The following CMIP variants were observed in gnomAD, a reference collection of about 807,000 sequenced individuals.
CMIP encodes the protein c-Maf inducing protein.
In CMIP, 13 loss-of-function variants were observed where a neutral mutation model predicts 97.3. That is an observed-to-expected ratio of 0.13 (90% confidence interval 0.09 to 0.21). The LOEUF (loss-of-function observed/expected upper bound fraction) is 0.21. Ranked by LOEUF, CMIP falls within the 10% of genes least tolerant of loss-of-function variation. CMIP has a pLI of 1.00. For synonymous variants in CMIP, 538 were observed against 436.3 expected, an observed-to-expected ratio of 1.23 and a Z score of -2.91; for missense variants, 847 against 1,024.9, an observed-to-expected ratio of 0.83 and a Z score of 2.37.
intron 1 of CMIP, among the ~76,000 whole-genome samples, chr16:81,487,590 G>C (rs1200787317): frequency 6.6e-6 from 1 of 152,196 alleles, no homozygotes; most frequent in Non-Finnish European, 1.5e-5. Context: ...GCAAGGCTCT[G>C]GGCTTTGTGG....
At chr16:81,555,101 G>T (rs1003536103) in intron 1 of CMIP, among the ~76,000 whole-genome samples, 2 of 152,154 alleles carry the variant, frequency 1.3e-5, no homozygotes, top group Non-Finnish European at 2.9e-5. Flanking sequence ...CACACGCAAG[G>T]CCTCATCTCG....
chr16:81,507,935 G>C (rs754542811), intron 1 of CMIP, among the ~76,000 whole-genome samples: 11 of 152,130 alleles, frequency 7.2e-5, no homozygotes, highest in African/African-American at 2.4e-4. Context: ...GGACTGATCC[G>C]GTGATTTTTG....
intron 10 of CMIP, among the ~76,000 whole-genome samples, chr16:81,691,025 TTA>T (rs1906000126): frequency 6.6e-6 from 1 of 152,214 alleles, no homozygotes; most frequent in Non-Finnish European, 1.5e-5. Flanking sequence ...TGTTTGTTGT[TTA>T]TGATTCTGTC....
chr16:81,691,870 C>G lies in CMIP; in HGVS notation c.1454+30C>G, dbSNP rs1297419152. On this transcript the variant is annotated intron_variant, in intron 11 of 20. Transcript: ENST00000537098. ...GTCCCGTGTGCATCCCCGGAGCCCTCCCACCTGTGAGACAAACCTCAGTTG... is the reference window on the plus strand; with the variant it reads ...GTCCCGTGTGCATCCCCGGAGCCCTGCCACCTGTGAGACAAACCTCAGTTG... The G allele has an allele frequency of 5.0e-6, 8 of 1,592,494 alleles. No homozygotes were observed. In the South Asian group the frequency reaches 8.9e-5, roughly 18 times the overall value.
At chr16:81,656,150 A>G (rs2092478966) in intron 4 of CMIP, among the ~76,000 whole-genome samples, 1 of 152,220 alleles carries the variant, frequency 6.6e-6, no homozygotes, top group Non-Finnish European at 1.5e-5. Context: ...AGGACGTCTC[A>G]TGGGGACCGG....
chr16:81,574,030 A>G (rs2091144496), intron 1 of CMIP, among the ~76,000 whole-genome samples: 1 of 152,224 alleles, frequency 6.6e-6, no homozygotes, highest in South Asian at 2.1e-4. Context: ...TATAGTAGTC[A>G]CTAGCCACGT....
chr16:81,555,522 G>T (rs1597553381), intron 1 of CMIP, among the ~76,000 whole-genome samples: 1 of 152,184 alleles, frequency 6.6e-6, no homozygotes, highest in African/African-American at 2.4e-5. Flanking sequence ...AGGGTCTAAG[G>T]CCTCATTCCC....
Position 81,652,509 on chromosome 16 carries a change from C to CT in CMIP, c.639+145_639+146insT. Reference sequence around the variant, plus strand: ...CCGAAGGAGGTGAGCAGTTGCCCACCCAGCCGTGTGTGGGAGTTGGGAGAG... The same window carrying CT: ...CCGAAGGAGGTGAGCAGTTGCCCACCTCAGCCGTGTGTGGGAGTTGGGAGAG... On this transcript the variant is annotated intron_variant, in intron 4 of 20. Coordinates refer to ENST00000537098, the MANE Select transcript of CMIP (RefSeq NM_198390.3). This position sits in a 1 kb window ranked among gnomAD's most constrained non-coding sequence, Gnocchi z 5.2. 1 of 704,946 alleles carries CT rather than the reference C, an allele frequency of 1.4e-6. No individual in the cohort carries two copies. The highest frequency in any genetic ancestry group is 2.4e-6 in the Non-Finnish European group (1 of 422,632). The allele number at this position is 704,946 out of a possible 1,614,324, so 43.7% of individuals were successfully genotyped here. A position where few individuals can be genotyped will look rare whatever the true frequency, so the allele number is the denominator to read the frequency against.
chr16:81,708,848 T>C (rs916247772), intron 20 of CMIP, among the ~76,000 whole-genome samples: 1 of 152,242 alleles, frequency 6.6e-6, no homozygotes, highest in Non-Finnish European at 1.5e-5. Flanking sequence ...TTGAGGGTTG[T>C]TGAGCACAGG....
intron 1 of CMIP, among the ~76,000 whole-genome samples, chr16:81,491,604 A>G (rs1435077501): frequency 1.3e-5 from 2 of 152,152 alleles, no homozygotes; most frequent in Non-Finnish European, 2.9e-5. Context: ...ATCCTACCCT[A>G]CCCAAGTATA....
chr16:81,587,567 A>G (rs1291197610), intron 1 of CMIP, among the ~76,000 whole-genome samples: 1 of 152,050 alleles, frequency 6.6e-6, no homozygotes, highest in Non-Finnish European at 1.5e-5. Flanking sequence ...TCTCATTCCC[A>G]TTTTACCAAT....
At chr16:81,475,197 G>T (rs1172785847) in intron 1 of CMIP, among the ~76,000 whole-genome samples, 1 of 151,872 alleles carries the variant, frequency 6.6e-6, no homozygotes, top group Admixed American at 6.6e-5. Flanking sequence ...TTTCTCTCTA[G>T]GTGCATAAAA....
At chr16:81,504,641 CAAAAAAAAAAA>C (rs149715666) in intron 1 of CMIP, among the ~76,000 whole-genome samples, 17 of 71,990 alleles carry the variant, frequency 2.4e-4, no homozygotes, top group African/African-American at 1.1e-3. Flanking sequence ...AGACTCGTCT[CAAAAAAAAAAA>C]AAAAAAAAAA....
At chr16:81,478,909 C>T (rs144652285) in intron 1 of CMIP, among the ~76,000 whole-genome samples, 2 of 152,174 alleles carry the variant, frequency 1.3e-5, no homozygotes, top group Non-Finnish European at 2.9e-5. Flanking sequence ...GGAGCCAGCC[C>T]AGCCTCGTCT....
chr16:81,693,027 T>A (rs1401667730), intron 11 of CMIP, 131 bp from the exon 12 acceptor site: 1 of 691,630 alleles, frequency 1.4e-6, no homozygotes, highest in East Asian at 2.7e-5. Flanking sequence ...ATGTTGGCAT[T>A]TCACTCACAT....
At chr16:81,491,401 T>C (rs1473405558) in intron 1 of CMIP, among the ~76,000 whole-genome samples, 1 of 152,242 alleles carries the variant, frequency 6.6e-6, no homozygotes, top group Admixed American at 6.5e-5. Flanking sequence ...CTCCCTGCCC[T>C]GCTTCCTTAC....
chr16:81,492,953 G>A (rs1458963430), intron 1 of CMIP, among the ~76,000 whole-genome samples: 2 of 152,138 alleles, frequency 1.3e-5, no homozygotes, highest in East Asian at 3.8e-4. Flanking sequence ...GCCCGTGAGC[G>A]AGAAGATGCA....
rs1480004235 is a variant in CMIP, at chr16:81,453,775, G to A, written c.300+8234G>A. Among the ~76,000 whole-genome samples the A allele has an allele frequency of 6.6e-6, 1 of 152,206 alleles. No homozygotes were observed. Among genetic ancestry groups the A allele is most frequent in the Non-Finnish European group, 1.5e-5 (1 of 68,042 alleles). On this transcript the variant is annotated intron_variant, in intron 1 of 20. Coordinates refer to ENST00000537098, the MANE Select transcript of CMIP (RefSeq NM_198390.3). The surrounding 1 kb of genome is among the most constrained non-coding windows in gnomAD (Gnocchi z 4.0). ...TGCCCCCTCTTTTTCTTGTGAAATG[G>A]GTCTGCCCTCCCCTAGGTCCTTCAT...
intron 13 of CMIP, among the ~76,000 whole-genome samples, chr16:81,693,829 G>C (rs1906393489): frequency 6.6e-6 from 1 of 152,194 alleles, no homozygotes; most frequent in Non-Finnish European, 1.5e-5. Context: ...TGAATCACTG[G>C]GCAGAGCAAG....
Sources: gnomAD v4.1 joint callset for allele counts (sites outside exome capture counted in the v4.1 genomes callset) on GRCh38, gnomAD v4.1.1 for gene constraint, Gnocchi (gnomAD v3.1) non-coding constraint, MANE v1.5 for transcripts, NCBI Gene and HGNC (gene_info 2026-07-23, HGNC 2026-07-21) for gene names.